SNX13: variants seen among roughly 807,000 people sequenced by gnomAD.
SNX13 encodes the protein sorting nexin 13, also known as sorting nexin-13.
A neutral mutation model predicts 133.6 loss-of-function variants in SNX13; 45 were observed. The ratio of observed to expected loss-of-function variants is 0.34; its 90% CI spans 0.27 to 0.43. The LOEUF (loss-of-function observed/expected upper bound fraction) is 0.43, where lower values mean the gene tolerates loss of function less well. Ranked by LOEUF, SNX13 falls within the 20% of genes least tolerant of loss-of-function variation. The pLI is 1.00. For missense variants in SNX13, 1,032 were observed against 1,145.1 expected (o/e 0.90, Z 1.43); for synonymous variants, 414 against 373.9 (o/e 1.11, Z -1.24).
chr7:17,887,449 G>C (rs1300752619), intron 5 of SNX13, among the ~76,000 whole-genome samples: 1 of 152,022 alleles, frequency 6.6e-6, no homozygotes, highest in Non-Finnish European at 1.5e-5. Flanking sequence ...GGTGCTGGAG[G>C]AAAGTTTCCT....
Position 17,821,655 on chromosome 7 carries a change from C to T in SNX13, c.1706-7G>A, listed in dbSNP as rs1787294511. On this transcript the variant is annotated splice_polypyrimidine_tract_variant and splice_region_variant and intron_variant, in intron 17 of 25. Transcript: ENST00000428135. ...CCATGATCATTACAAACGCCTGCCA[C>T]AGCATATGGGTCATAGTCAGCATAT... 2 of 1,612,740 alleles carry T rather than the reference C, an allele frequency of 1.2e-6. No homozygotes were observed. Among genetic ancestry groups the T allele is most frequent in the East Asian group, 4.5e-5 (2 of 44,838 alleles).
chr7:17,850,713 A>T, intron 10 of SNX13, 113 bp downstream of exon 10: 1 of 862,120 alleles, frequency 1.2e-6, no homozygotes, highest in Non-Finnish European at 1.7e-6. Context: ...AGGAAGATTT[A>T]ATTAAGGTGA....
chr7:17,835,437 A>G (rs1000523903), intron 13 of SNX13, among the ~76,000 whole-genome samples: 10 of 151,744 alleles, frequency 6.6e-5, no homozygotes, highest in African/African-American at 9.7e-5. Context: ...TGATATGGGG[A>G]AAAAAAAGTC....
intron 1 of SNX13, among the ~76,000 whole-genome samples, chr7:17,928,974 C>A (rs1046232561): frequency 7.1e-6 from 1 of 140,434 alleles, no homozygotes; most frequent in Admixed American, 7.5e-5. Flanking sequence ...TTTAAATTAA[C>A]AATAAAAAGC....
intron 1 of SNX13, among the ~76,000 whole-genome samples, chr7:17,924,444 G>T (rs1021607614): frequency 6.6e-6 from 1 of 152,104 alleles, no homozygotes; most frequent in South Asian, 2.1e-4. Flanking sequence ...TGCTACTTGC[G>T]CTCACCAGGA....
chr7:17,802,170 A>C (rs1422926247), intron 21 of SNX13, among the ~76,000 whole-genome samples: 4 of 152,086 alleles, frequency 2.6e-5, no homozygotes. Context: ...TATATAGCCT[A>C]GGTGAGAAGT....
intron 18 of SNX13, among the ~76,000 whole-genome samples, chr7:17,816,948 T>G (rs1390131080): frequency 6.6e-6 from 1 of 152,198 alleles, no homozygotes; most frequent in Admixed American, 6.5e-5. Flanking sequence ...TTAATAAGCC[T>G]TTGACCTGTG....
At chr7:17,821,870 T>A (rs1320288692) in intron 17 of SNX13, among the ~76,000 whole-genome samples, 1 of 152,114 alleles carries the variant, frequency 6.6e-6, no homozygotes, top group Non-Finnish European at 1.5e-5. Context: ...ATGGCTAAAT[T>A]ACAAAATAAA....
intron 1 of SNX13, among the ~76,000 whole-genome samples, chr7:17,931,256 C>G (rs1278557798): frequency 6.6e-6 from 1 of 152,186 alleles, no homozygotes; most frequent in Non-Finnish European, 1.5e-5. Context: ...AACAAGCTAT[C>G]TCAAACTCTG....
chr7:17,908,586 C>T (rs556240840), intron 1 of SNX13, among the ~76,000 whole-genome samples: 2 of 152,298 alleles, frequency 1.3e-5, no homozygotes, highest in African/African-American at 2.4e-5. Context: ...GCACAATTTA[C>T]AATTCTACAA....
At chr7:17,843,859 C>A (rs776899840) in intron 12 of SNX13, among the ~76,000 whole-genome samples, 1 of 151,910 alleles carries the variant, frequency 6.6e-6, no homozygotes, top group Non-Finnish European at 1.5e-5. Context: ...CTCACACAAC[C>A]AATGGATCAA....
chr7:17,938,793 A>C (rs1028481396), intron 1 of SNX13, among the ~76,000 whole-genome samples: 2 of 152,244 alleles, frequency 1.3e-5, no homozygotes. Flanking sequence ...ATCATATCAT[A>C]TAATATTACA....
At chr7:17,816,970 A>G (rs989052188) in intron 18 of SNX13, among the ~76,000 whole-genome samples, 1 of 152,192 alleles carries the variant, frequency 6.6e-6, no homozygotes, top group Non-Finnish European at 1.5e-5. Context: ...AGTACTAGCA[A>G]ATAAAAAGGC....
At chr7:17,851,263 T>C (rs548229386) in intron 9 of SNX13, among the ~76,000 whole-genome samples, 4 of 152,162 alleles carry the variant, frequency 2.6e-5, no homozygotes, top group Non-Finnish European at 5.9e-5. Context: ...GCAAAAGATA[T>C]GGTCAGCAGC....
intron 9 of SNX13, among the ~76,000 whole-genome samples, chr7:17,862,814 C>T (rs574054816): frequency 6.6e-6 from 1 of 152,126 alleles, no homozygotes; most frequent in Non-Finnish European, 1.5e-5. Context: ...AGCCCTCCAG[C>T]GATCATCCTC....
intron 1 of SNX13, among the ~76,000 whole-genome samples, chr7:17,919,881 A>C (rs895282427): frequency 6.6e-6 from 1 of 152,182 alleles, no homozygotes; most frequent in African/African-American, 2.4e-5. Flanking sequence ...CTGTAATCCC[A>C]GGACTTTGGG....
At chr7:17,931,788 A>G (rs772295079) in intron 1 of SNX13, among the ~76,000 whole-genome samples, 1 of 152,244 alleles carries the variant, frequency 6.6e-6, no homozygotes, top group Non-Finnish European at 1.5e-5. Flanking sequence ...TCTCATAAGT[A>G]TATTTACAGA....
At chr7:17,831,430 A>G (rs1788474401) in intron 15 of SNX13, 1 of 907,370 alleles carries the variant, frequency 1.1e-6, no homozygotes, top group African/African-American at 1.8e-5. Flanking sequence ...AATAATGAAT[A>G]AAGAGAAAGG....
chr7:17,925,256 T>C (rs938333004), intron 1 of SNX13, among the ~76,000 whole-genome samples: 1 of 152,108 alleles, frequency 6.6e-6, no homozygotes, highest in African/African-American at 2.4e-5. Context: ...AGTGATAGCC[T>C]GCTGTGTGAA....
Sources: gnomAD v4.1 joint callset for allele counts (sites outside exome capture counted in the v4.1 genomes callset) on GRCh38, gnomAD v4.1.1 for gene constraint, MANE v1.5 for transcripts, NCBI Gene and HGNC (gene_info 2026-07-23, HGNC 2026-07-21) for gene names.